The following TSEN15 variants were observed in gnomAD, a reference collection of about 807,000 sequenced individuals.
The protein encoded by TSEN15 is tRNA-splicing endonuclease subunit Sen15.
TSEN15 carries 10 observed loss-of-function variants against 20.5 expected under a neutral mutation model. That is an observed-to-expected ratio of 0.49 (90% CI 0.30 to 0.83). The LOEUF is 0.83. TSEN15 is among the 40% of genes least tolerant of loss of function. TSEN15 has a pLI of 0.06. For synonymous variants in TSEN15, 72 were observed against 80.1 expected, an observed-to-expected ratio of 0.90 and a Z score of 0.54; for missense variants, 180 against 218.6, an observed-to-expected ratio of 0.82 and a Z score of 1.11.
chr1:184,084,253 G>T (rs1651219501), intron 3 of TSEN15, among the ~76,000 whole-genome samples: 1 of 151,926 alleles, frequency 6.6e-6, no homozygotes, highest in Admixed American at 6.6e-5. Flanking sequence ...TGATGTGCAG[G>T]TTGCCACCTT....
At chr1:184,058,050 T>G (rs1319360353) in intron 3 of TSEN15, 22 of 343,230 alleles carry the variant, frequency 6.4e-5, no homozygotes, top group Non-Finnish European at 7.9e-5. Context: ...TAACCTGCAT[T>G]TATTCCTAAA....
chr1:184,067,944 AT>A (rs1008389037), intron 3 of TSEN15, among the ~76,000 whole-genome samples: 7,465 of 69,536 alleles, frequency 0.11, 361 homozygotes, highest in Non-Finnish European at 0.13. Context: ...AAAAAAAAAT[AT>A]ATATATATAT....
At position 184,058,209 on chromosome 1, in the gene TSEN15, C is replaced by G. The variant is rs151276743; in HGVS notation, c.353+3346C>G. On this transcript the variant is annotated intron_variant, in intron 3 of 4. Transcript: ENST00000645668. ...TTGAATGGCTAAAGCTTGTTTTCTT[C>G]TTCAAGTAGAATTAGTTGGAATGAT... 1,133 of 430,890 alleles carry G rather than the reference C, an allele frequency of 2.6e-3. 10 individuals are homozygous for G. The highest frequency in any genetic ancestry group is 7.2e-3 in the African/African-American group (356 of 49,210). The allele number at this position is 430,890 out of a possible 1,614,324, so 26.7% of individuals were successfully genotyped here. A position where few individuals can be genotyped will look rare whatever the true frequency, so the allele number is the denominator to read the frequency against.
chr1:184,095,631 TTCTCTC>T (rs56022269), intron 3 of TSEN15: 53,056 of 382,554 alleles, frequency 0.14, 2,016 homozygotes, highest in Admixed American at 0.22. Flanking sequence ...TCTCTCCCCC[TTCTCTC>T]TCTCTCTCTC....
At chr1:184,081,972 T>C (rs1296557744) in intron 3 of TSEN15, among the ~76,000 whole-genome samples, 3 of 152,194 alleles carry the variant, frequency 2.0e-5, no homozygotes, top group Non-Finnish European at 4.4e-5. Flanking sequence ...AAGAAAGCAG[T>C]TGTGCCTATA....
At chr1:184,093,831 C>T (rs1303793589) in intron 3 of TSEN15, 1 of 152,142 alleles carries the variant, frequency 6.6e-6, no homozygotes, top group Non-Finnish European at 1.5e-5. Context: ...TGCTTAAGTT[C>T]ACTGGGCCAC....
chr1:184,057,011 C>T (rs535962027), intron 3 of TSEN15, among the ~76,000 whole-genome samples: 1 of 152,140 alleles, frequency 6.6e-6, no homozygotes, highest in South Asian at 2.1e-4. Flanking sequence ...AACTCTCTTC[C>T]CTTGAGTGTG....
chr1:184,064,270 A>G (rs894352012), intron 3 of TSEN15, among the ~76,000 whole-genome samples: 3 of 152,198 alleles, frequency 2.0e-5, no homozygotes, highest in Non-Finnish European at 4.4e-5. Flanking sequence ...TGTTTGAAAT[A>G]TGCAAGAACA....
chr1:184,052,580 C>T (rs1428304334), intron 1 of TSEN15, among the ~76,000 whole-genome samples: 1 of 152,042 alleles, frequency 6.6e-6, no homozygotes, highest in East Asian at 1.9e-4. Context: ...AAACTAGTCT[C>T]TACGGTACTT....
intron 3 of TSEN15, chr1:184,095,107 G>C: frequency 2.5e-6 from 1 of 398,544 alleles, no homozygotes; most frequent in Non-Finnish European, 4.4e-6. Flanking sequence ...CTGTCTTTTT[G>C]TCTCTCTCTC....
intron 3 of TSEN15, among the ~76,000 whole-genome samples, chr1:184,087,909 G>C (rs1020652199): frequency 1.3e-5 from 2 of 152,210 alleles, no homozygotes; most frequent in African/African-American, 4.8e-5. Context: ...TTTTGGTTGA[G>C]ATAGTATCGG....
At chr1:184,083,885 C>T (rs1026690913) in intron 3 of TSEN15, among the ~76,000 whole-genome samples, 6 of 152,022 alleles carry the variant, frequency 3.9e-5, no homozygotes, top group African/African-American at 1.2e-4. Flanking sequence ...TAGATCTTTC[C>T]TTCTCACCCT....
chr1:184,070,264 C>G (rs1346284193), intron 3 of TSEN15, among the ~76,000 whole-genome samples: 1 of 151,972 alleles, frequency 6.6e-6, no homozygotes, highest in Non-Finnish European at 1.5e-5. Flanking sequence ...CATACAAACA[C>G]ACCTTCTGAT....
chr1:184,071,249 A>G (rs1427122874), intron 3 of TSEN15: 2 of 152,024 alleles, frequency 1.3e-5, no homozygotes, highest in East Asian at 3.9e-4. Flanking sequence ...GAAGTAACTT[A>G]TATGATGTTA....
intron 3 of TSEN15, among the ~76,000 whole-genome samples, chr1:184,082,797 G>T (rs893746647): frequency 6.6e-6 from 1 of 152,020 alleles, no homozygotes; most frequent in Non-Finnish European, 1.5e-5. Flanking sequence ...TTTTTGCCAA[G>T]ATTTTAGATT....
chr1:184,072,371 A>G, intron 4 of TSEN15, 73 bp downstream of exon 4: 6 of 1,416,276 alleles, frequency 4.2e-6, no homozygotes, highest in Non-Finnish European at 5.7e-6. Context: ...AGTGTGACTC[A>G]AGTCAGTCAC....
At chr1:184,088,031 A>G (rs769735523) in intron 3 of TSEN15, among the ~76,000 whole-genome samples, 14 of 152,168 alleles carry the variant, frequency 9.2e-5, no homozygotes, top group Non-Finnish European at 1.9e-4. Context: ...TGATATTGCT[A>G]TGAAAATGCC....
At chr1:184,053,288 T>A (rs1029532423) in intron 1 of TSEN15, among the ~76,000 whole-genome samples, 1 of 152,208 alleles carries the variant, frequency 6.6e-6, no homozygotes, top group Non-Finnish European at 1.5e-5. Context: ...TCTGTTAATT[T>A]AAAAATTATG....
Position 184,073,609 on chromosome 1 carries a change from T to C in TSEN15, c.*762T>C, listed in dbSNP as rs1410102052. The C allele has an allele frequency of 6.6e-6, 1 of 152,640 alleles. No individual in the cohort carries two copies. Among genetic ancestry groups the C allele is most frequent in the Non-Finnish European group, 1.5e-5 (1 of 68,028 alleles). 9.5% of individuals were successfully genotyped at this position (152,640 alleles called of 1,614,324 possible). A position where few individuals can be genotyped will look rare whatever the true frequency, so the allele number is the denominator to read the frequency against. On this transcript the variant is annotated 3_prime_UTR_variant, in exon 5 of 5. Coordinates refer to ENST00000645668, the MANE Select transcript of TSEN15 (RefSeq NM_052965.4). ...GACCCAGTTATTCCACTTTTGTTAATGTCTCTCAAATTGTACAAAGTATAA... is the reference window on the plus strand; with the variant it reads ...GACCCAGTTATTCCACTTTTGTTAACGTCTCTCAAATTGTACAAAGTATAA...
Sources: gnomAD v4.1 joint callset for allele counts (sites outside exome capture counted in the v4.1 genomes callset) on GRCh38, gnomAD v4.1.1 for gene constraint, MANE v1.5 for transcripts, NCBI Gene and HGNC (gene_info 2026-07-23, HGNC 2026-07-21) for gene names.